The following SLX4 variants were observed in gnomAD, a reference collection of about 807,000 sequenced individuals.
SLX4 encodes SLX4 structure-specific endonuclease subunit.
SLX4 carries 112 observed loss-of-function variants against 146.2 expected under a neutral mutation model. The observed-to-expected ratio is 0.77, with a 90% CI of 0.66 to 0.90. SLX4 has a LOEUF of 0.90. SLX4 is among the 40% of genes least tolerant of loss of function. The pLI is 0.00. For missense variants in SLX4, 2,563 were observed against 2,392.7 expected, an observed-to-expected ratio of 1.07 and a Z score of -1.49; for synonymous variants, 1,061 against 997.7, an observed-to-expected ratio of 1.06 and a Z score of -1.20.
chr16:3,582,978 A>T (rs2040458141), intron 14 of SLX4, 119 bp downstream of exon 14: 1 of 1,361,304 alleles, frequency 7.3e-7, no homozygotes, highest in Non-Finnish European at 1.0e-6. Flanking sequence ...CACAGGTCAA[A>T]CCCAGAAGGT....
At chr16:3,606,381 G>T in intron 3 of SLX4, 93 bp downstream of exon 3, 1 of 1,390,968 alleles carries the variant, frequency 7.2e-7, no homozygotes, top group Non-Finnish European at 1.0e-6. Flanking sequence ...ATCCACAGAA[G>T]AAACTCAACA....
chr16:3,609,599 AGACAT>A (rs1472249946), intron 1 of SLX4, 33 bp from the exon 2 acceptor site: 1 of 152,972 alleles, frequency 6.5e-6, no homozygotes, highest in African/African-American at 2.4e-5. Flanking sequence ...AAGTGTAATC[AGACAT>A]TGTCATTTTA....
intron 14 of SLX4, 28 bp downstream of exon 14, chr16:3,583,069 A>G (rs771106417): frequency 3.1e-5 from 50 of 1,613,868 alleles, no homozygotes; most frequent in Non-Finnish European, 4.2e-5. Flanking sequence ...ACATGAGGCC[A>G]CTGACCCCAT....
In SLX4 at chr16:3,601,059, C is replaced by T; in HGVS notation, c.1083G>A (p.Glu361=). The T allele has an allele frequency of 6.2e-7, 1 of 1,614,114 alleles. No homozygotes were observed. The highest frequency in any genetic ancestry group is 8.5e-7 in the Non-Finnish European group (1 of 1,180,018). Residue 361 remains glutamate (E), a synonymous_variant, in exon 5 of 15, where the codon GAG becomes GAA. Transcript: ENST00000294008. ...SHLKQCAVKM[E]VGPQLLLQAV... ...CCTGAAGCAGGAGCTGGGGGCCAACCTCCATCTTCACAGCACACTGCTTCA... is the reference window on the plus strand; with the variant it reads ...CCTGAAGCAGGAGCTGGGGGCCAACTTCCATCTTCACAGCACACTGCTTCA...
chr16:3,590,970 G>C lies in SLX4; in HGVS notation c.2668C>G (p.Leu890Val). Residue 890 changes from leucine to valine, a missense_variant, in exon 12 of 15, where the codon CTC (leucine) becomes GTC (valine). By Grantham distance (32) the Leu-to-Val change is conservative. Transcript: ENST00000294008. This position sits in a 1 kb window ranked among gnomAD's most constrained non-coding sequence, Gnocchi z 4.8. ...LEGGSPVSGQLLAGVQVQKQW... is the reference protein window; with the variant it reads ...LEGGSPVSGQVLAGVQVQKQW... ...TTCTGCACCTGGACACCTGCTAGGA[G>C]TTGCCCAGAAACCGGACTGCCACCC... 3 of 1,614,202 alleles carry C rather than the reference G, an allele frequency of 1.9e-6. No homozygotes were observed. The East Asian group carries it at 6.7e-5, about 36-fold the overall frequency.
rs1377445865 is a variant in SLX4, at chr16:3,589,891, G to C, written c.3747C>G (p.Ser1249Arg). 5 of 1,613,760 alleles carry C rather than the reference G, an allele frequency of 3.1e-6. 1 individual carries two copies. The East Asian group carries it at 8.9e-5, about 29-fold the overall frequency. The change falls in exon 12 of 15, where the codon AGC becomes AGG. Residue 1249 changes from serine (S) to arginine (R), a missense_variant. Transcript: ENST00000294008. The surrounding 1 kb of genome is among the most constrained non-coding windows in gnomAD (Gnocchi z 6.2). The part of the protein sequence containing the change: ...CDRESSPSEA[S>R]TTDTSWLVPA... ...GCACCAGCCACGAGGTGTCTGTGGTGCTGGCCTCGCTGGGGCTGCTCTCAC... is the reference window on the plus strand; with the variant it reads ...GCACCAGCCACGAGGTGTCTGTGGTCCTGGCCTCGCTGGGGCTGCTCTCAC...
chr16:3,598,047 G>T lies in SLX4; in HGVS notation c.1164-48C>A, dbSNP rs767065700. The T allele has an allele frequency of 4.4e-6, 7 of 1,607,144 alleles. No individual in the cohort carries two copies. In the South Asian group the frequency reaches 7.7e-5, roughly 18 times the overall value. ...AGTTACTGGGGCTAGAGGAGTGCAC[G>T]CTTCTCAGGTTGGTCACACTGGTCT... On this transcript the variant is annotated intron_variant, in intron 5 of 14. Transcript: ENST00000294008.
intron 5 of SLX4, among the ~76,000 whole-genome samples, chr16:3,600,357 C>T (rs980416053): frequency 2.6e-5 from 4 of 152,120 alleles, no homozygotes; most frequent in Non-Finnish European, 4.4e-5. Flanking sequence ...GTTGGGGACC[C>T]CTGCACTAGA....
chr16:3,587,695 A>C (rs1267674247), intron 12 of SLX4, among the ~76,000 whole-genome samples: 6 of 151,364 alleles, frequency 4.0e-5, no homozygotes, highest in African/African-American at 1.5e-4. Context: ...ATTCTTAGTC[A>C]CCCTCCCGAA....
chr16:3,596,124 T>TGGCCC, intron 8 of SLX4, 29 bp downstream of exon 8: 1 of 1,543,222 alleles, frequency 6.5e-7, no homozygotes, highest in Non-Finnish European at 8.7e-7. Flanking sequence ...AGGGCAGGGC[T>TGGCCC]GGCCCTAGAG....
At chr16:3,611,103 CT>C (rs1232895070) in intron 1 of SLX4, among the ~76,000 whole-genome samples, 2 of 152,236 alleles carry the variant, frequency 1.3e-5, no homozygotes, top group African/African-American at 4.8e-5. Flanking sequence ...GGGAAGGGGA[CT>C]TGTGCCTCCT....
chr16:3,609,043 A>G lies in SLX4; in HGVS notation c.-79T>C. 1.3e-6 allele frequency: 2 copies of G among 1,496,678 alleles called. No individual in the cohort carries two copies. Among genetic ancestry groups the G allele is most frequent in the Non-Finnish European group, 1.8e-6 (2 of 1,102,662 alleles). The allele number at this position is 1,496,678 out of a possible 1,614,324, so 92.7% of individuals were successfully genotyped here. On this transcript the variant is annotated 5_prime_UTR_variant, in exon 2 of 15. Transcript: ENST00000294008. Reference sequence around the variant, plus strand: ...CAAAAAGTACTGTTTTCCTCTCTATAATGATTGAAGTATCTTTGTTCAAAT... The same window carrying G: ...CAAAAAGTACTGTTTTCCTCTCTATGATGATTGAAGTATCTTTGTTCAAAT...
In SLX4 at chr16:3,597,832, T is replaced by C; in HGVS notation, c.1331A>G (p.Glu444Gly). 2 of 1,614,112 alleles carry C rather than the reference T, an allele frequency of 1.2e-6. No individual in the cohort carries two copies. Among genetic ancestry groups the C allele is most frequent in the Middle Eastern group, 1.6e-4 (1 of 6,062 alleles). The part of the protein sequence containing the change: ...PGAAVPALRL[E>G]SAFSERIRPE... The stretch of plus-strand genomic sequence containing the variant: ...TCTTATCCTCTCAGAAAAGGCACTT[T>C]CCAGCCTGAGCGCTGGTACAGCCGC... The change falls in exon 6 of 15, where the codon GAA (glutamate) becomes GGA (glycine). Residue 444 changes from glutamate to glycine, a missense_variant. By Grantham distance (98) the Glu-to-Gly change is moderately conservative. Transcript: ENST00000294008. This position sits in a 1 kb window ranked among gnomAD's most constrained non-coding sequence, Gnocchi z 4.4.
Position 3,590,612 on chromosome 16 carries a change from C to A in SLX4, c.3026G>T (p.Gly1009Val). Residue 1009 changes from glycine (G) to valine (V), a missense_variant, in exon 12 of 15, where the codon GGC becomes GTC. Coordinates refer to ENST00000294008, the MANE Select transcript of SLX4 (RefSeq NM_032444.4). This position sits in a 1 kb window ranked among gnomAD's most constrained non-coding sequence, Gnocchi z 4.8. ...QITSEPEEQS[G>V]AVRERGLEVS... ...CTCCAGCCCCCTTTCCCTGACAGCG[C>A]CACTTTGTTCCTCGGGCTCACTTGT... is the stretch of plus-strand genomic sequence containing the variant. The A allele has an allele frequency of 6.2e-7, 1 of 1,614,020 alleles. No homozygotes were observed. The highest frequency in any genetic ancestry group is 8.5e-7 in the Non-Finnish European group (1 of 1,179,884).
rs180740748 is a variant in SLX4, at chr16:3,595,788, C to T, written c.1925-95G>A. ...TGACCACAGGCTGAGCCAGCCCCTG[C>T]GGTGCCTCGGAAGGTGCTTGCTATC... On this transcript the variant is annotated intron_variant, in intron 8 of 14. Transcript: ENST00000294008. 5.8e-3 allele frequency: 8,181 copies of T among 1,412,260 alleles called. 45 individuals carry two copies. Among genetic ancestry groups the T allele is most frequent in the Non-Finnish European group, 7.7e-3 (7,840 of 1,013,028 alleles). The allele number at this position is 1,412,260 out of a possible 1,614,324, so 87.5% of individuals were successfully genotyped here. A position where few individuals can be genotyped will look rare whatever the true frequency, so the allele number is the denominator to read the frequency against.
At position 3,589,738 on chromosome 16, in the gene SLX4, T is replaced by C. The variant is rs1060504341; in HGVS notation, c.3900A>G (p.Glu1300=). ...AAAACTTCTGTGCGACTTCGTTCCCTTCCCTGTTTCCTACTGAGGCCCTGG... is the reference window on the plus strand; with the variant it reads ...AAAACTTCTGTGCGACTTCGTTCCCCTCCCTGTTTCCTACTGAGGCCCTGG... ...HTPRASVGNR[E]GNEVAQKFSV... is the part of the protein sequence containing the mutation. The change falls in exon 12 of 15, where the codon GAA becomes GAG. Residue 1300 remains glutamate, a synonymous_variant. Transcript: ENST00000294008. The surrounding 1 kb of genome is among the most constrained non-coding windows in gnomAD (Gnocchi z 6.2). 1.2e-6 allele frequency: 2 copies of C among 1,613,912 alleles called. No homozygotes were observed. The highest frequency in any genetic ancestry group is 2.2e-5 in the East Asian group (1 of 44,878).
At chr16:3,601,371 C>A in intron 4 of SLX4, 180 bp from the exon 5 acceptor site, 1 of 651,858 alleles carries the variant, frequency 1.5e-6, no homozygotes, top group Non-Finnish European at 2.7e-6. Flanking sequence ...ACTTAGGTAT[C>A]TGTCAGCAAA....
chr16:3,602,372 GCT>G, intron 3 of SLX4, 65 bp from the exon 4 acceptor site: 1 of 1,573,496 alleles, frequency 6.4e-7, no homozygotes, highest in Admixed American at 1.7e-5. Context: ...TCAGACCTCT[GCT>G]CTGTCAGCTC....
chr16:3,598,446 CCT>C (rs2040690612), intron 5 of SLX4, among the ~76,000 whole-genome samples: 1 of 152,218 alleles, frequency 6.6e-6, no homozygotes, highest in Non-Finnish European at 1.5e-5. Context: ...CACGGCAGTG[CCT>C]CTGTCCATGG....
Sources: allele counts gnomAD v4.1 joint callset (sites outside exome capture counted in the v4.1 genomes callset), GRCh38; gene constraint gnomAD v4.1.1; non-coding constraint Gnocchi (gnomAD v3.1); transcripts MANE v1.5; gene names NCBI Gene and HGNC (gene_info 2026-07-23, HGNC 2026-07-21).